SPRED1: variants seen among roughly 807,000 people sequenced by gnomAD.
SPRED1 encodes sprouty-related, EVH1 domain-containing protein 1.
Under a neutral mutation model 52.3 loss-of-function variants are expected in SPRED1, and 18 were observed. That is an observed-to-expected ratio of 0.34 (90% CI 0.24 to 0.51). SPRED1 has a LOEUF of 0.51. Ranked by LOEUF, SPRED1 falls within the 20% of genes least tolerant of loss-of-function variation. The probability of loss-of-function intolerance (pLI) is 0.97; values close to 1 mark genes in which losing one functional copy is unlikely to be tolerated. For synonymous variants in SPRED1, 155 were observed against 179.7 expected (o/e 0.86, Z 1.10); for missense variants, 485 against 551.0 (o/e 0.88, Z 1.20).
At chr15:38,305,401 A>G (rs2140982720) in intron 2 of SPRED1, among the ~76,000 whole-genome samples, 1 of 151,654 alleles carries the variant, frequency 6.6e-6, no homozygotes, top group South Asian at 2.1e-4. Flanking sequence ...TTCATGCAAT[A>G]AATATTGTTG....
intron 5 of SPRED1, among the ~76,000 whole-genome samples, chr15:38,343,957 T>A (rs1051862428): frequency 1.3e-5 from 2 of 152,082 alleles, no homozygotes; most frequent in Non-Finnish European, 1.5e-5. Context: ...AAGATATTGG[T>A]ACAAGAAGGA....
intron 1 of SPRED1, among the ~76,000 whole-genome samples, chr15:38,295,350 C>T (rs1360375717): frequency 1.3e-5 from 2 of 152,120 alleles, no homozygotes; most frequent in Non-Finnish European, 2.9e-5. Flanking sequence ...CAAAGCCATC[C>T]TGGGCCACAG....
chr15:38,356,976 T>C lies in SPRED1; in HGVS notation c.*5312T>C, dbSNP rs997230230. On this transcript the variant is annotated 3_prime_UTR_variant, in exon 7 of 7. Transcript: ENST00000299084. ...GTCTCATGTGCTTATTTACAGGTTT[T>C]TCAGAATTTGCTTTACATTCTTCAC... The C allele has an allele frequency of 1.3e-5, 2 of 152,174 alleles. No homozygotes were observed. Among genetic ancestry groups the C allele is most frequent in the Non-Finnish European group, 2.9e-5 (2 of 67,996 alleles). The allele number at this position is 152,174 out of a possible 1,614,324, so 9.4% of individuals were successfully genotyped here.
At chr15:38,328,214 T>TA (rs1895743996) in intron 4 of SPRED1, among the ~76,000 whole-genome samples, 1 of 152,224 alleles carries the variant, frequency 6.6e-6, no homozygotes, top group Non-Finnish European at 1.5e-5. Flanking sequence ...TTTAAAAGAA[T>TA]AATGCATTAT....
chr15:38,357,126 C>T lies in SPRED1; in HGVS notation c.*5462C>T, dbSNP rs997514399. 3 of 152,158 alleles carry T rather than the reference C, an allele frequency of 2.0e-5. No homozygotes were observed. Among genetic ancestry groups the T allele is most frequent in the African/African-American group, 7.2e-5 (3 of 41,452 alleles). The allele number at this position is 152,158 out of a possible 1,614,324, so 9.4% of individuals were successfully genotyped here. ...TGCTCCTTAAAGAAAAAGACATCGA[C>T]ATCAATGGTATGAAAGCTGTAGTCA... On this transcript the variant is annotated 3_prime_UTR_variant, in exon 7 of 7. Coordinates refer to ENST00000299084, the MANE Select transcript of SPRED1 (RefSeq NM_152594.3).
At position 38,354,620 on chromosome 15, in the gene SPRED1, A is replaced by G. The variant is rs1419618127; in HGVS notation, c.*2956A>G. On this transcript the variant is annotated 3_prime_UTR_variant, in exon 7 of 7. Transcript: ENST00000299084. ...TATTTATGTGGTGACCACCTCTACC[A>G]GGGAAACCAGGAATAAGAACTGTCT... 6.6e-6 allele frequency: 1 copy of G among 152,208 alleles called. No individual in the cohort carries two copies. The highest frequency in any genetic ancestry group is 2.4e-5 in the African/African-American group (1 of 41,444). 9.4% of individuals were successfully genotyped at this position (152,208 alleles called of 1,614,324 possible). A position where few individuals can be genotyped will look rare whatever the true frequency, so the allele number is the denominator to read the frequency against.
At chr15:38,336,597 C>T (rs952658296) in intron 4 of SPRED1, among the ~76,000 whole-genome samples, 3 of 151,464 alleles carry the variant, frequency 2.0e-5, no homozygotes, top group African/African-American at 7.3e-5. Flanking sequence ...GAATACTACT[C>T]AACCATAAAA....
Position 38,299,486 on chromosome 15 carries a change from A to T in SPRED1, c.146A>T (p.His49Leu), listed in dbSNP as rs1193401299. The T allele has an allele frequency of 6.2e-7, 1 of 1,614,090 alleles. No homozygotes were observed. Among genetic ancestry groups the T allele is most frequent in the Non-Finnish European group, 8.5e-7 (1 of 1,179,956 alleles). Reference sequence around the variant, plus strand: ...AGCGTCACTGTCTTCAAAGTCCCTCATCAGGAAGAGAATGGCTGTGCTGAC... The same window carrying T: ...AGCGTCACTGTCTTCAAAGTCCCTCTTCAGGAAGAGAATGGCTGTGCTGAC... ...LSSVTVFKVP[H>L]QEENGCADFF... Residue 49 changes from histidine (H) to leucine (L), a missense_variant, in exon 2 of 7, where the codon CAT (histidine) becomes CTT (leucine). Physicochemically the swap from His to Leu is moderately conservative, Grantham distance 99. Around this residue, in one of 5 missense-constraint regions of SPRED1, gnomAD observed 232 missense variants for 231.8 expected, o/e 1.00. Coordinates refer to ENST00000299084, the MANE Select transcript of SPRED1 (RefSeq NM_152594.3).
At chr15:38,290,936 C>T (rs2140972024) in intron 1 of SPRED1, among the ~76,000 whole-genome samples, 1 of 152,298 alleles carries the variant, frequency 6.6e-6, no homozygotes, top group African/African-American at 2.4e-5. Flanking sequence ...ACCAATCATG[C>T]CTTCCCAACA....
At chr15:38,349,606 A>C in intron 6 of SPRED1, 83 bp downstream of exon 6, 1 of 956,884 alleles carries the variant, frequency 1.0e-6, no homozygotes, top group Non-Finnish European at 1.6e-6. Flanking sequence ...CTAATTCTCC[A>C]TATAGTTGAA....
Position 38,252,890 on chromosome 15 carries a change from C to T in SPRED1, c.-296C>T. 3.9e-6 allele frequency: 2 copies of T among 519,336 alleles called. No homozygotes were observed. Among genetic ancestry groups the T allele is most frequent in the Non-Finnish European group, 7.0e-6 (2 of 286,296 alleles). The allele number at this position is 519,336 out of a possible 1,614,324, so 32.2% of individuals were successfully genotyped here. A position where few individuals can be genotyped will look rare whatever the true frequency, so the allele number is the denominator to read the frequency against. Reference sequence around the variant, plus strand: ...CAGCTCTCCAGTCAGCCTTTGCAGCCCCTCTCTTTTTCCCTTTCCACCGGG... The same window carrying T: ...CAGCTCTCCAGTCAGCCTTTGCAGCTCCTCTCTTTTTCCCTTTCCACCGGG... On this transcript the variant is annotated 5_prime_UTR_variant, in exon 1 of 7. Transcript: ENST00000299084.
chr15:38,331,807 C>T (rs909836951), intron 4 of SPRED1, among the ~76,000 whole-genome samples: 4 of 151,948 alleles, frequency 2.6e-5, no homozygotes, highest in Non-Finnish European at 4.4e-5. Context: ...CATAAGTTTG[C>T]CAAAGGGTAG....
At chr15:38,277,483 G>C (rs1336428722) in intron 1 of SPRED1, among the ~76,000 whole-genome samples, 1 of 152,152 alleles carries the variant, frequency 6.6e-6, no homozygotes, top group Admixed American at 6.5e-5. Context: ...GTATTCCATG[G>C]TGTACATGTA....
intron 5 of SPRED1, among the ~76,000 whole-genome samples, chr15:38,344,090 C>A (rs1896082113): frequency 6.6e-6 from 1 of 152,148 alleles, no homozygotes. Context: ...GTCATACTTG[C>A]TTATAAACTT....
intron 5 of SPRED1, among the ~76,000 whole-genome samples, 175 bp from the exon 6 acceptor site, chr15:38,349,247 A>T (rs1343810102): frequency 6.6e-6 from 1 of 152,136 alleles, no homozygotes; most frequent in African/African-American, 2.4e-5. Flanking sequence ...GTAAGAAAAG[A>T]CCTATGGTTT....
intron 2 of SPRED1, among the ~76,000 whole-genome samples, chr15:38,305,313 C>T (rs1402024102): frequency 6.9e-6 from 1 of 145,508 alleles, no homozygotes; most frequent in African/African-American, 2.6e-5. Flanking sequence ...GCTTGGGTAA[C>T]GAGAGTGAAA....
At chr15:38,326,366 A>G in intron 4 of SPRED1, 1 of 152,236 alleles carries the variant, frequency 6.6e-6, no homozygotes, top group East Asian at 1.9e-4. Flanking sequence ...GCTCCTAAAC[A>G]AAAAGAACCC....
At chr15:38,295,157 T>C (rs934366742) in intron 1 of SPRED1, among the ~76,000 whole-genome samples, 2 of 152,208 alleles carry the variant, frequency 1.3e-5, no homozygotes, top group African/African-American at 4.8e-5. Flanking sequence ...TTGCAATACG[T>C]ATTTGCTCTG....
At chr15:38,267,319 C>T (rs1894329600) in intron 1 of SPRED1, among the ~76,000 whole-genome samples, 1 of 152,096 alleles carries the variant, frequency 6.6e-6, no homozygotes. Context: ...AGGTTTCCAG[C>T]TCTTTGCTAT....
Sources: gnomAD v4.1 joint callset for allele counts (sites outside exome capture counted in the v4.1 genomes callset) on GRCh38, gnomAD v4.1.1 for gene constraint, gnomAD v4.1.1 regional missense constraint, MANE v1.5 for transcripts, NCBI Gene and HGNC (gene_info 2026-07-23, HGNC 2026-07-21) for gene names.